The following CTNND2 variants were observed in gnomAD, a reference collection of about 807,000 sequenced individuals.
CTNND2 encodes catenin delta-2.
A neutral mutation model predicts 144.4 loss-of-function variants in CTNND2; 22 were observed. The observed-to-expected ratio is 0.15, with a 90% confidence interval of 0.11 to 0.22. The LOEUF (loss-of-function observed/expected upper bound fraction) is 0.22, where lower values mean the gene tolerates loss of function less well. CTNND2 is among the 10% of genes least tolerant of loss of function. CTNND2 has a pLI of 1.00. For synonymous variants in CTNND2, 751 were observed against 695.6 expected (o/e 1.08, Z -1.25); for missense variants, 1,353 against 1,618.8 (o/e 0.84, Z 2.82).
At chr5:11,009,184 C>T (rs1740801403) in intron 18 of CTNND2, among the ~76,000 whole-genome samples, 1 of 152,194 alleles carries the variant, frequency 6.6e-6, no homozygotes, top group South Asian at 2.1e-4. Context: ...GTTGGGAGGT[C>T]CTTGGTTGCA....
intron 2 of CTNND2, among the ~76,000 whole-genome samples, chr5:11,696,105 G>A (rs13360995): frequency 0.076 from 11,600 of 152,194 alleles, 1,483 homozygotes; most frequent in African/African-American, 0.26. Context: ...TCTGCAAGGG[G>A]CCAGATAGTA....
chr5:11,553,261 T>G (rs527420109), intron 3 of CTNND2, among the ~76,000 whole-genome samples: 2 of 152,354 alleles, frequency 1.3e-5, no homozygotes, highest in African/African-American at 4.8e-5. Context: ...GAAATTGATT[T>G]AAGCTTTCTT....
intron 1 of CTNND2, among the ~76,000 whole-genome samples, chr5:11,889,304 G>A (rs185195074): frequency 3.2e-4 from 49 of 152,262 alleles, no homozygotes; most frequent in Admixed American, 9.8e-4. Context: ...ACCTTCAAAT[G>A]TCTCTCTAAG....
intron 12 of CTNND2, among the ~76,000 whole-genome samples, chr5:11,153,407 T>C (rs1436795432): frequency 6.6e-6 from 1 of 152,182 alleles, no homozygotes; most frequent in African/African-American, 2.4e-5. Context: ...ATGAATAATA[T>C]TGGCAGACAA....
chr5:11,471,436 A>C (rs1267238861), intron 3 of CTNND2, among the ~76,000 whole-genome samples: 3 of 152,186 alleles, frequency 2.0e-5, no homozygotes, highest in Admixed American at 6.5e-5. Context: ...TAACAAAGAG[A>C]ATCAAGGACT....
intron 3 of CTNND2, among the ~76,000 whole-genome samples, chr5:11,439,763 T>TCTATCTAA (rs1295924345): frequency 6.6e-6 from 1 of 151,044 alleles, no homozygotes; most frequent in African/African-American, 2.4e-5. Flanking sequence ...TATCTATCTA[T>TCTATCTAA]CTATCTATCT....
At chr5:11,855,397 C>T (rs934964302) in intron 1 of CTNND2, among the ~76,000 whole-genome samples, 1 of 152,152 alleles carries the variant, frequency 6.6e-6, no homozygotes, top group Non-Finnish European at 1.5e-5. Flanking sequence ...TGAGGATTAA[C>T]TGAGCTACCA....
At chr5:11,463,539 A>C (rs955625731) in intron 3 of CTNND2, among the ~76,000 whole-genome samples, 9 of 152,146 alleles carry the variant, frequency 5.9e-5, no homozygotes, top group Non-Finnish European at 1.2e-4. Flanking sequence ...AGTACATTAG[A>C]GAGGAAAATG....
At chr5:11,389,719 A>G (rs1167898642) in intron 6 of CTNND2, among the ~76,000 whole-genome samples, 2 of 152,214 alleles carry the variant, frequency 1.3e-5, no homozygotes, top group African/African-American at 4.8e-5. Context: ...CATTAAGAAG[A>G]GCCTACTACA....
intron 2 of CTNND2, among the ~76,000 whole-genome samples, chr5:11,599,964 A>G (rs1449225796): frequency 2.6e-5 from 4 of 152,206 alleles, no homozygotes; most frequent in African/African-American, 9.6e-5. Context: ...TCCAAAATGC[A>G]TCAAGGTACC....
intron 2 of CTNND2, among the ~76,000 whole-genome samples, chr5:11,727,328 T>C (rs1787077792): frequency 6.6e-6 from 1 of 152,186 alleles, no homozygotes; most frequent in Admixed American, 6.5e-5. Context: ...CCTTCCATCC[T>C]GTACGTATGA....
At chr5:11,142,292 C>A (rs921865389) in intron 12 of CTNND2, among the ~76,000 whole-genome samples, 1 of 152,186 alleles carries the variant, frequency 6.6e-6, no homozygotes, top group Non-Finnish European at 1.5e-5. Flanking sequence ...TAAAAGCCAG[C>A]AAGAGAGCTG....
chr5:11,824,572 C>T (rs1393352191), intron 1 of CTNND2, among the ~76,000 whole-genome samples: 2 of 152,194 alleles, frequency 1.3e-5, no homozygotes, highest in South Asian at 2.1e-4. Context: ...CTAAATTCCT[C>T]AGTGACACAA....
chr5:11,207,092 T>C (rs1250710874), intron 10 of CTNND2, among the ~76,000 whole-genome samples: 1 of 152,126 alleles, frequency 6.6e-6, no homozygotes, highest in Non-Finnish European at 1.5e-5. Context: ...TGCAGGGACA[T>C]GGATGAAGCT....
intron 1 of CTNND2, among the ~76,000 whole-genome samples, chr5:11,902,213 C>T (rs1282758629): frequency 6.6e-6 from 1 of 152,224 alleles, no homozygotes; most frequent in Non-Finnish European, 1.5e-5. Flanking sequence ...TGCCACTTAA[C>T]ATTTTTCCCC....
rs538615040 is a variant in CTNND2 at position 11,459,738 on chromosome 5, A to G, written c.288-47669T>C. On this transcript the variant is annotated intron_variant, in intron 3 of 21. Coordinates refer to ENST00000304623, the MANE Select transcript of CTNND2 (RefSeq NM_001332.4). Reference sequence around the variant, plus strand: ...AAACTAATGACAATAAAACTTTTGTATATTTCTACATGGAAGGAGTTGTGG... The same window carrying G: ...AAACTAATGACAATAAAACTTTTGTGTATTTCTACATGGAAGGAGTTGTGG... Among the ~76,000 whole-genome samples, 26 of 152,354 alleles carry G rather than the reference A, an allele frequency of 1.7e-4. No individual in the cohort carries two copies. In the Middle Eastern group the frequency reaches 0.017, roughly 100 times the overall value.
intron 5 of CTNND2, among the ~76,000 whole-genome samples, chr5:11,403,544 TA>T (rs1760814663): frequency 6.6e-6 from 1 of 152,230 alleles, no homozygotes; most frequent in Non-Finnish European, 1.5e-5. Context: ...TTGCACATAA[TA>T]TTGTAATCAG....
At chr5:11,170,095 G>GA (rs1457537386) in intron 11 of CTNND2, among the ~76,000 whole-genome samples, 6 of 152,196 alleles carry the variant, frequency 3.9e-5, no homozygotes, top group Non-Finnish European at 5.9e-5. Context: ...CTGAGACACA[G>GA]AAAAGTTGAG....
intron 2 of CTNND2, among the ~76,000 whole-genome samples, chr5:11,687,274 T>A (rs917942171): frequency 6.6e-6 from 1 of 152,266 alleles, no homozygotes; most frequent in African/African-American, 2.4e-5. Context: ...CTGTCACATG[T>A]ACCCAACTGC....
Sources: allele counts gnomAD v4.1 joint callset (sites outside exome capture counted in the v4.1 genomes callset), GRCh38; gene constraint gnomAD v4.1.1; transcripts MANE v1.5; gene names NCBI Gene and HGNC (gene_info 2026-07-23, HGNC 2026-07-21).